PRSS3: variants seen among roughly 807,000 people sequenced by gnomAD.
The protein encoded by PRSS3 is trypsin-3.
PRSS3 carries 14 observed loss-of-function variants against 20.8 expected under a neutral mutation model. The observed-to-expected ratio is 0.67, with a 90% CI of 0.44 to 1.05. The LOEUF is 1.05. PRSS3 is among the 50% of genes least tolerant of loss of function. The pLI is 0.00. For synonymous variants in PRSS3, 91 were observed against 117.6 expected (o/e 0.77, Z 1.46); for missense variants, 237 against 306.4 (o/e 0.77, Z 1.69).
intron 1 of PRSS3, among the ~76,000 whole-genome samples, chr9:33,753,123 C>G (rs984929730): frequency 6.6e-6 from 1 of 152,198 alleles, no homozygotes; most frequent in Admixed American, 6.5e-5. Flanking sequence ...CCACAGCTGC[C>G]TCTGGAGTGG....
upstream of PRSS3, among the ~76,000 whole-genome samples, chr9:33,790,907 T>C (rs941805490): frequency 1.3e-5 from 2 of 152,346 alleles, no homozygotes; most frequent in African/African-American, 2.4e-5. Context: ...GGAGGAAAAC[T>C]CTACAAAGGC....
intron 1 of PRSS3, among the ~76,000 whole-genome samples, chr9:33,763,615 C>G (rs1423473798): frequency 6.8e-6 from 1 of 146,864 alleles, no homozygotes; most frequent in Non-Finnish European, 1.5e-5. Flanking sequence ...AGGAGAATGG[C>G]GTGAACCCGG....
At chr9:33,785,264 G>A (rs1375343261) in intron 1 of PRSS3, among the ~76,000 whole-genome samples, 12 of 138,720 alleles carry the variant, frequency 8.7e-5, no homozygotes, top group Middle Eastern at 3.4e-3. Flanking sequence ...TGCAAGCTCC[G>A]CCTCCCGGGT....
At chr9:33,764,941 A>C (rs1307448422) in intron 1 of PRSS3, among the ~76,000 whole-genome samples, 1 of 152,216 alleles carries the variant, frequency 6.6e-6, no homozygotes, top group Non-Finnish European at 1.5e-5. Context: ...GAAACAAAAC[A>C]ACAAAATACC....
chr9:33,786,494 T>C (rs2119031305), intron 1 of PRSS3: 1 of 743,032 alleles, frequency 1.3e-6, no homozygotes, highest in Non-Finnish European at 2.5e-6. Flanking sequence ...GACCCCAAGC[T>C]TGTCGGCCCT....
intron 3 of PRSS3, 101 bp from the exon 4 acceptor site, chr9:33,798,385 A>G (rs1442216550): frequency 3.2e-6 from 5 of 1,551,082 alleles, no homozygotes; most frequent in Non-Finnish European, 4.4e-6. Flanking sequence ...AGTCCTCTCC[A>G]GAGGCAGTGT....
At chr9:33,796,582 C>T (rs1824953016) in intron 1 of PRSS3, 61 bp from the exon 2 acceptor site, 1 of 1,602,622 alleles carries the variant, frequency 6.2e-7, no homozygotes, top group African/African-American at 1.3e-5. Context: ...CAACCGCAGG[C>T]TGGGAGCACC....
Position 33,798,849 on chromosome 9 carries a change from G to A in PRSS3, c.592-179G>A, listed in dbSNP as rs188478176. On this transcript the variant is annotated intron_variant, in intron 4 of 4. Transcript: ENST00000379405. Reference sequence around the variant, plus strand: ...CCCTGCAGTGCCCCCATTGGGAAATGAGGGAGGCTCCCTTGTGCTGCACGC... The same window carrying A: ...CCCTGCAGTGCCCCCATTGGGAAATAAGGGAGGCTCCCTTGTGCTGCACGC... 2.6e-4 allele frequency: 272 copies of A among 1,055,432 alleles called. 3 individuals are homozygous for A. The East Asian group carries it at 5.1e-3, about 20-fold the overall frequency. 65.4% of individuals were successfully genotyped at this position (1,055,432 alleles called of 1,614,324 possible).
At chr9:33,787,994 T>A (rs145981612) in intron 1 of PRSS3, among the ~76,000 whole-genome samples, 1 of 152,200 alleles carries the variant, frequency 6.6e-6, no homozygotes, top group East Asian at 1.9e-4. Context: ...TGTCTGTGCC[T>A]TCCCTACTTG....
intron 1 of PRSS3, among the ~76,000 whole-genome samples, chr9:33,763,971 G>A (rs1431654943): frequency 2.0e-5 from 3 of 152,082 alleles, no homozygotes; most frequent in Non-Finnish European, 4.4e-5. Context: ...TATGAGTGTT[G>A]TCTGTATACT....
intron 4 of PRSS3, 129 bp downstream of exon 4, chr9:33,798,751 G>A: frequency 2.0e-6 from 3 of 1,470,886 alleles, no homozygotes; most frequent in Non-Finnish European, 2.8e-6. Context: ...AAATGAGGAA[G>A]GTGGCGGGGC....
At chr9:33,759,924 G>A (rs1207876047) in intron 1 of PRSS3, among the ~76,000 whole-genome samples, 1 of 152,238 alleles carries the variant, frequency 6.6e-6, no homozygotes, top group African/African-American at 2.4e-5. Flanking sequence ...CCCACTGGCA[G>A]TGGATGCTGA....
At chr9:33,796,105 T>C (rs1824916278) in intron 1 of PRSS3, among the ~76,000 whole-genome samples, 1 of 152,238 alleles carries the variant, frequency 6.6e-6, no homozygotes, top group African/African-American at 2.4e-5. Context: ...AAGTTAAGAA[T>C]TGCTCTTCTA....
chr9:33,767,437 T>C (rs1196301668), intron 1 of PRSS3, among the ~76,000 whole-genome samples: 3 of 152,220 alleles, frequency 2.0e-5, no homozygotes, highest in Non-Finnish European at 2.9e-5. Context: ...TGCCTCAGAA[T>C]ATGCCTGTGT....
intron 1 of PRSS3, among the ~76,000 whole-genome samples, chr9:33,761,360 A>T (rs1823194887): frequency 6.6e-6 from 1 of 152,240 alleles, no homozygotes; most frequent in African/African-American, 2.4e-5. Flanking sequence ...GTAGGCAGTT[A>T]TAGCACAGTG....
chr9:33,785,464 AC>A (rs1824362410), intron 1 of PRSS3, among the ~76,000 whole-genome samples: 2 of 152,064 alleles, frequency 1.3e-5, no homozygotes, highest in South Asian at 4.1e-4. Flanking sequence ...GGCGTGAGCC[AC>A]CGCGCCCGGC....
Position 33,797,897 on chromosome 9 carries a change from C to T in PRSS3, c.269C>T (p.Ala90Val), listed in dbSNP as rs185336947. The change falls in exon 3 of 5, where the codon GCG becomes GTG. Residue 90 changes from alanine (A) to valine (V), a missense_variant. Ala to Val is a moderately conservative substitution (Grantham distance 64). Coordinates refer to ENST00000379405, the MANE Select transcript of PRSS3 (RefSeq NM_002771.4). ...GAGGGGAATGAGCAGTTCATCAATG[C>T]GGCCAAGATCATCCGCCACCCTAAA... Reference protein sequence around the residue: ...VLEGNEQFINAAKIIRHPKYN... With the variant: ...VLEGNEQFINVAKIIRHPKYN... 50 of 1,614,238 alleles carry T rather than the reference C, an allele frequency of 3.1e-5. No homozygotes were observed. The Middle Eastern group carries it at 1.3e-3, about 43-fold the overall frequency.
At chr9:33,756,370 T>C (rs1177981614) in intron 1 of PRSS3, among the ~76,000 whole-genome samples, 3 of 152,180 alleles carry the variant, frequency 2.0e-5, no homozygotes, top group Admixed American at 6.5e-5. Context: ...TTATTTAATG[T>C]TGGGGTGGGG....
At chr9:33,797,667 G>C (rs1030562253) in intron 2 of PRSS3, among the ~76,000 whole-genome samples, 162 bp from the exon 3 acceptor site, 2 of 152,248 alleles carry the variant, frequency 1.3e-5, no homozygotes, top group African/African-American at 4.8e-5. Flanking sequence ...TCTCACACCT[G>C]CACTGACCCA....
Sources: allele counts gnomAD v4.1 joint callset (sites outside exome capture counted in the v4.1 genomes callset), GRCh38; gene constraint gnomAD v4.1.1; transcripts MANE v1.5; gene names NCBI Gene and HGNC (gene_info 2026-07-23, HGNC 2026-07-21).